CACNA1D: variants seen among roughly 807,000 people sequenced by gnomAD.
The protein encoded by CACNA1D is voltage-dependent L-type calcium channel subunit alpha-1D.
Under a neutral mutation model 257.1 loss-of-function variants are expected in CACNA1D, and 55 were observed. That is an observed-to-expected ratio of 0.21 (90% CI 0.17 to 0.27). The LOEUF is 0.27. Ranked by LOEUF, CACNA1D falls within the 10% of genes least tolerant of loss-of-function variation. The pLI is 1.00. For missense variants in CACNA1D, 1,876 were observed against 2,784.0 expected, an observed-to-expected ratio of 0.67 and a Z score of 7.34; for synonymous variants, 980 against 1,014.9, an observed-to-expected ratio of 0.97 and a Z score of 0.65.
At position 53,811,427 on chromosome 3, in the gene CACNA1D, G is replaced by T; in HGVS notation, c.*21G>T. 1 of 1,525,860 alleles carries T rather than the reference G, an allele frequency of 6.6e-7. No homozygotes were observed. The highest frequency in any genetic ancestry group is 8.8e-7 in the Non-Finnish European group (1 of 1,136,556). The allele number at this position is 1,525,860 out of a possible 1,614,324, so 94.5% of individuals were successfully genotyped here. A position where few individuals can be genotyped will look rare whatever the true frequency, so the allele number is the denominator to read the frequency against. On this transcript the variant is annotated 3_prime_UTR_variant, in exon 48 of 48. Transcript: ENST00000350061. The surrounding 1 kb of genome is among the most constrained non-coding windows in gnomAD (Gnocchi z 4.2). ...TGTAGCCCCCAGCGAGGGGCAGACT[G>T]GCTCTGGCCTCAGGTGGGGCGCAGG...
At chr3:53,659,188 A>T (rs536953028) in intron 4 of CACNA1D, among the ~76,000 whole-genome samples, 1 of 152,356 alleles carries the variant, frequency 6.6e-6, no homozygotes, top group African/African-American at 2.4e-5. Context: ...AGCAAAAGTC[A>T]CTGTTAAATG....
intron 3 of CACNA1D, among the ~76,000 whole-genome samples, chr3:53,604,389 C>G (rs779225728): frequency 2.6e-5 from 4 of 152,158 alleles, no homozygotes; most frequent in Non-Finnish European, 4.4e-5. Flanking sequence ...CTGCACTCTT[C>G]AGGAGAGAAG....
At chr3:53,790,130 T>A (rs1304380381) in intron 40 of CACNA1D, among the ~76,000 whole-genome samples, 2 of 152,238 alleles carry the variant, frequency 1.3e-5, no homozygotes, top group Admixed American at 6.5e-5. Flanking sequence ...CATGCCATGT[T>A]CACTTTGGGT....
At chr3:53,715,173 A>C (rs2094805317) in intron 9 of CACNA1D, among the ~76,000 whole-genome samples, 1 of 152,180 alleles carries the variant, frequency 6.6e-6, no homozygotes, top group African/African-American at 2.4e-5. Context: ...GGCTGGATCA[A>C]GGGCTGTTTC....
Position 53,494,925 on chromosome 3 carries a change from A to G in CACNA1D, c.-242A>G, listed in dbSNP as rs1011455285. Reference sequence around the variant, plus strand: ...TATACATTGGATTTTATTTTTTTAAAAAGTTTATTTTGCTCCATTTTTGAA... The same window carrying G: ...TATACATTGGATTTTATTTTTTTAAGAAGTTTATTTTGCTCCATTTTTGAA... On this transcript the variant is annotated 5_prime_UTR_variant, in exon 1 of 48. Coordinates refer to ENST00000350061, the MANE Select transcript of CACNA1D (RefSeq NM_001128840.3). 11 of 523,768 alleles carry G rather than the reference A, an allele frequency of 2.1e-5. No homozygotes were observed. The highest frequency in any genetic ancestry group is 3.8e-5 in the Non-Finnish European group (11 of 292,426). The allele number at this position is 523,768 out of a possible 1,614,324, so 32.4% of individuals were successfully genotyped here.
At chr3:53,553,918 T>C (rs1303607587) in intron 3 of CACNA1D, among the ~76,000 whole-genome samples, 3 of 150,966 alleles carry the variant, frequency 2.0e-5, no homozygotes, top group South Asian at 2.1e-4. Flanking sequence ...AATCATGGGC[T>C]GGGCATGGTG....
chr3:53,641,006 T>C (rs552607987), intron 3 of CACNA1D, among the ~76,000 whole-genome samples: 2 of 151,912 alleles, frequency 1.3e-5, no homozygotes, highest in South Asian at 4.2e-4. Flanking sequence ...GAAGCAGGAT[T>C]TAGACAAACA....
At chr3:53,805,791 CCCT>C (rs770543016) in intron 45 of CACNA1D, among the ~76,000 whole-genome samples, 7 of 143,856 alleles carry the variant, frequency 4.9e-5, no homozygotes, top group Admixed American at 2.8e-4. Flanking sequence ...CCCTCATCTT[CCCT>C]CCTCCTCCTC....
In CACNA1D at chr3:53,718,396, T is replaced by C; in HGVS notation, c.1478+8T>C. On this transcript the variant is annotated splice_region_variant and intron_variant, in intron 10 of 47. Coordinates refer to ENST00000350061, the MANE Select transcript of CACNA1D (RefSeq NM_001128840.3). Reference sequence around the variant, plus strand: ...CTGCTGTGGAAGTCTCTGGTGAGTGTGGGGAGCACTTGCCCTCTTTCCCCT... The same window carrying C: ...CTGCTGTGGAAGTCTCTGGTGAGTGCGGGGAGCACTTGCCCTCTTTCCCCT... The C allele has an allele frequency of 6.2e-7, 1 of 1,610,396 alleles. No individual in the cohort carries two copies. The highest frequency in any genetic ancestry group is 1.1e-5 in the South Asian group (1 of 91,010).
At chr3:53,625,750 A>G (rs937096300) in intron 3 of CACNA1D, among the ~76,000 whole-genome samples, 25 of 152,292 alleles carry the variant, frequency 1.6e-4, no homozygotes, top group Admixed American at 4.6e-4. Flanking sequence ...TTAGACCTTC[A>G]TGTTCATTTA....
intron 33 of CACNA1D, chr3:53,773,325 CT>C: frequency 3.8e-6 from 1 of 264,312 alleles, no homozygotes; most frequent in Non-Finnish European, 7.4e-6. Flanking sequence ...AGTAGCTCAC[CT>C]TTAAAAAGAG....
chr3:53,512,115 G>A (rs768654155), intron 3 of CACNA1D, among the ~76,000 whole-genome samples: 1 of 152,048 alleles, frequency 6.6e-6, no homozygotes, highest in Non-Finnish European at 1.5e-5. Flanking sequence ...CTTTTTTCAC[G>A]ATAATGCAAA....
intron 3 of CACNA1D, among the ~76,000 whole-genome samples, chr3:53,646,571 A>C (rs531351131): frequency 6.6e-6 from 1 of 152,276 alleles, no homozygotes; most frequent in Non-Finnish European, 1.5e-5. Flanking sequence ...GGCCCCTTTC[A>C]ATAGAGAATC....
Position 53,745,803 on chromosome 3 carries a change from CCTGT to C in CACNA1D, c.3115-17_3115-14del. 2 of 1,611,122 alleles carry C rather than the reference CCTGT, an allele frequency of 1.2e-6. No homozygotes were observed. Among genetic ancestry groups the C allele is most frequent in the Non-Finnish European group, 1.7e-6 (2 of 1,177,190 alleles). On this transcript the variant is annotated splice_polypyrimidine_tract_variant and intron_variant, in intron 24 of 47. Transcript: ENST00000350061. The stretch of plus-strand genomic sequence containing the variant: ...GGAGAAGCCTGCATTTACTTAACTG[CCTGT>C]CTATTTTATACCCAGGGGAAGTTCT...
At chr3:53,790,172 C>T (rs2095476462) in intron 40 of CACNA1D, among the ~76,000 whole-genome samples, 2 of 152,178 alleles carry the variant, frequency 1.3e-5, no homozygotes, top group South Asian at 4.2e-4. Flanking sequence ...TCCATTGTTG[C>T]TACATCCGAG....
chr3:53,642,589 C>T (rs2093970895), intron 3 of CACNA1D, among the ~76,000 whole-genome samples: 2 of 152,358 alleles, frequency 1.3e-5, no homozygotes, highest in East Asian at 1.9e-4. Context: ...TGCCTTTGCT[C>T]TGCCGGTGAG....
chr3:53,552,762 A>G (rs2092561140), intron 3 of CACNA1D, among the ~76,000 whole-genome samples: 1 of 152,206 alleles, frequency 6.6e-6, no homozygotes, highest in South Asian at 2.1e-4. Context: ...TAGTAGAAAG[A>G]TAACATGTTA....
At chr3:53,542,675 C>T (rs938154535) in intron 3 of CACNA1D, among the ~76,000 whole-genome samples, 13 of 152,086 alleles carry the variant, frequency 8.5e-5, no homozygotes, top group Admixed American at 7.9e-4. Flanking sequence ...GTGAAATAGC[C>T]GGTTTACTTA....
intron 27 of CACNA1D, among the ~76,000 whole-genome samples, 182 bp downstream of exon 27, chr3:53,749,651 C>T (rs1399251494): frequency 6.6e-6 from 1 of 152,200 alleles, no homozygotes; most frequent in Non-Finnish European, 1.5e-5. Context: ...GTTAGGTTTC[C>T]CGATACATAT....
Sources: gnomAD v4.1 joint callset for allele counts (sites outside exome capture counted in the v4.1 genomes callset) on GRCh38, gnomAD v4.1.1 for gene constraint, Gnocchi (gnomAD v3.1) non-coding constraint, MANE v1.5 for transcripts, NCBI Gene and HGNC (gene_info 2026-07-23, HGNC 2026-07-21) for gene names.